The following CNBD1 variants were observed in gnomAD, a reference collection of about 807,000 sequenced individuals.
The protein encoded by CNBD1 is cyclic nucleotide-binding domain-containing protein 1.
CNBD1 carries 71 observed loss-of-function variants against 54.4 expected under a neutral mutation model. The observed-to-expected ratio is 1.30, with a 90% CI of 1.08 to 1.59. CNBD1 has a LOEUF of 1.59. Among genes scored for constraint, CNBD1 ranks in the 40% most tolerant of loss-of-function variants. The pLI, the probability that CNBD1 is intolerant of heterozygous loss-of-function variation, is 0.00. For missense variants in CNBD1, 659 were observed against 518.0 expected (o/e 1.27, Z -2.64); for synonymous variants, 182 against 170.7 (o/e 1.07, Z -0.51).
intron 3 of CNBD1, among the ~76,000 whole-genome samples, chr8:86,906,702 G>T (rs1809023554): frequency 6.6e-6 from 1 of 152,120 alleles, no homozygotes; most frequent in Non-Finnish European, 1.5e-5. Context: ...TGATCATCTT[G>T]CCCTCATATT....
chr8:87,055,482 T>C (rs1455257453), intron 4 of CNBD1, among the ~76,000 whole-genome samples: 2 of 151,890 alleles, frequency 1.3e-5, no homozygotes, highest in African/African-American at 4.8e-5. Flanking sequence ...ACCATGTTAA[T>C]GTCTGAAAAG....
intron 10 of CNBD1, among the ~76,000 whole-genome samples, chr8:87,354,396 TC>T (rs1810377763): frequency 6.6e-6 from 1 of 152,006 alleles, no homozygotes; most frequent in African/African-American, 2.4e-5. Context: ...CTCTAGGATT[TC>T]TTTTTTTTTA....
intron 3 of CNBD1, among the ~76,000 whole-genome samples, chr8:86,910,602 T>C (rs73268058): frequency 0.013 from 1,971 of 152,294 alleles, 22 homozygotes; most frequent in South Asian, 0.033. Context: ...CATTGTTTAC[T>C]TCAATACATT....
intron 3 of CNBD1, among the ~76,000 whole-genome samples, chr8:86,936,869 A>G (rs976878739): frequency 3.9e-5 from 6 of 152,192 alleles, no homozygotes; most frequent in African/African-American, 1.4e-4. Context: ...GGTACAGGTA[A>G]TTGTGAAAAG....
chr8:87,377,343 C>A (rs1265925336), intron 10 of CNBD1, among the ~76,000 whole-genome samples: 2 of 149,866 alleles, frequency 1.3e-5, no homozygotes, highest in Non-Finnish European at 3.0e-5. Context: ...CGATATTCCC[C>A]TTCCTGTGTC....
chr8:87,278,866 T>C (rs1405012478), intron 6 of CNBD1, among the ~76,000 whole-genome samples: 1 of 151,338 alleles, frequency 6.6e-6, no homozygotes, highest in African/African-American at 2.4e-5. Context: ...AATAGAATAG[T>C]GTAAAAAAAT....
intron 6 of CNBD1, among the ~76,000 whole-genome samples, chr8:87,250,174 G>A (rs1471428919): frequency 6.6e-6 from 1 of 152,108 alleles, no homozygotes; most frequent in Non-Finnish European, 1.5e-5. Context: ...GATCTGAATA[G>A]CCATTTCTCG....
At chr8:87,121,126 C>T (rs970964021) in intron 4 of CNBD1, among the ~76,000 whole-genome samples, 6 of 151,758 alleles carry the variant, frequency 4.0e-5, no homozygotes, top group South Asian at 2.1e-4. Context: ...GTTTTATTTT[C>T]TTTCAGATAT....
intron 2 of CNBD1, among the ~76,000 whole-genome samples, chr8:87,393,219 C>A (rs1245925132): frequency 6.6e-6 from 1 of 151,776 alleles, no homozygotes; most frequent in Non-Finnish European, 1.5e-5. Context: ...AGGCAGTAGT[C>A]CCCTATTTAG....
chr8:86,970,918 C>A (rs944102126), intron 4 of CNBD1, among the ~76,000 whole-genome samples: 1 of 152,086 alleles, frequency 6.6e-6, no homozygotes, highest in African/African-American at 2.4e-5. Flanking sequence ...TTATTAATTT[C>A]AGTTATACGT....
intron 10 of CNBD1, among the ~76,000 whole-genome samples, chr8:87,354,443 A>G (rs1296410954): frequency 6.6e-6 from 1 of 151,836 alleles, no homozygotes; most frequent in African/African-American, 2.4e-5. Context: ...TTTAGGGTAC[A>G]TGTGCACAAC....
At chr8:86,974,299 T>A (rs1351250102) in intron 4 of CNBD1, among the ~76,000 whole-genome samples, 1 of 152,068 alleles carries the variant, frequency 6.6e-6, no homozygotes, top group Non-Finnish European at 1.5e-5. Context: ...TACATGCTAA[T>A]TTTGGGAGTA....
At chr8:87,390,457 A>T (rs1412421881) in intron 2 of CNBD1, among the ~76,000 whole-genome samples, 1 of 152,228 alleles carries the variant, frequency 6.6e-6, no homozygotes, top group Non-Finnish European at 1.5e-5. Flanking sequence ...TCTCAAAAGA[A>T]GACATTTATG....
At chr8:86,937,631 G>T (rs1809572507) in intron 3 of CNBD1, among the ~76,000 whole-genome samples, 1 of 152,138 alleles carries the variant, frequency 6.6e-6, no homozygotes, top group Non-Finnish European at 1.5e-5. Flanking sequence ...TGAAGCAACG[G>T]TTTGACCTCT....
chr8:86,995,133 G>A (rs921002184), intron 4 of CNBD1, among the ~76,000 whole-genome samples: 2 of 152,232 alleles, frequency 1.3e-5, no homozygotes, highest in Admixed American at 1.3e-4. Flanking sequence ...TAAGTTTGAA[G>A]AACTAGGCAG....
At chr8:87,036,594 TAAAA>T (rs58299323) in intron 4 of CNBD1, among the ~76,000 whole-genome samples, 3 of 64,744 alleles carry the variant, frequency 4.6e-5, no homozygotes, top group East Asian at 4.8e-4. Context: ...ACTGCATCTC[TAAAA>T]AAAAAAAAAA....
chr8:87,051,225 T>G (rs1200922401), intron 4 of CNBD1, among the ~76,000 whole-genome samples: 1 of 152,130 alleles, frequency 6.6e-6, no homozygotes, highest in Non-Finnish European at 1.5e-5. Context: ...ACAGTCATGC[T>G]AGGGGAGGAG....
At position 87,118,483 on chromosome 8, in the gene CNBD1, C is replaced by A. The variant is rs1225817452; in HGVS notation, c.432-87510C>A. ...TTGAAGGAGTGAACTGTGCTGATAACTGAGAAATTAATCCACCTGGCAGAA... is the reference window on the plus strand; with the variant it reads ...TTGAAGGAGTGAACTGTGCTGATAAATGAGAAATTAATCCACCTGGCAGAA... On this transcript the variant is annotated intron_variant, in intron 4 of 10. Transcript: ENST00000518476. 2.0e-5 allele frequency among the ~76,000 whole-genome samples: 3 copies of A among 152,152 alleles called. No homozygotes were observed. In the East Asian group the frequency reaches 5.8e-4, roughly 29 times the overall value.
At chr8:87,419,688 T>A (rs1166354342) in intron 2 of CNBD1, among the ~76,000 whole-genome samples, 2 of 151,872 alleles carry the variant, frequency 1.3e-5, no homozygotes, top group Non-Finnish European at 2.9e-5. Context: ...AAATAGAGTA[T>A]GTGACAAAGT....
Sources: gnomAD v4.1 joint callset for allele counts (sites outside exome capture counted in the v4.1 genomes callset) on GRCh38, gnomAD v4.1.1 for gene constraint, MANE v1.5 for transcripts, NCBI Gene and HGNC (gene_info 2026-07-23, HGNC 2026-07-21) for gene names.